Variants in RSBN1L observed in about 807,000 individuals in gnomAD.
RSBN1L encodes round spermatid basic protein 1 like.
RSBN1L carries 30 observed loss-of-function variants against 67.7 expected under a neutral mutation model. The observed-to-expected ratio is 0.44, with a 90% confidence interval of 0.33 to 0.60. The LOEUF (loss-of-function observed/expected upper bound fraction) is 0.60, where lower values mean the gene tolerates loss of function less well. Ranked by LOEUF, RSBN1L falls within the 20% of genes least tolerant of loss-of-function variation. The pLI, the probability that RSBN1L is intolerant of heterozygous loss-of-function variation, is 0.02. For synonymous variants in RSBN1L, 433 were observed against 387.0 expected, an observed-to-expected ratio of 1.12 and a Z score of -1.39; for missense variants, 992 against 1,031.7, an observed-to-expected ratio of 0.96 and a Z score of 0.53.
rs570281932 is a variant in RSBN1L, at chr7:77,733,896, G to A, written c.587-2514G>A. 3.3e-5 allele frequency among the ~76,000 whole-genome samples: 5 copies of A among 152,350 alleles called. No individual in the cohort carries two copies. In the East Asian group the frequency reaches 9.6e-4, roughly 29 times the overall value. ...AATCCCAGCACTTTGGGATGCCAAG[G>A]CGTGCAGATCACTTGAGGTTAGGAG... On this transcript the variant is annotated intron_variant, in intron 1 of 7. Coordinates refer to ENST00000334955, the MANE Select transcript of RSBN1L (RefSeq NM_198467.3).
At chr7:77,720,763 C>CTTTTTTTTTTTTTTTTTTTTTTT (rs34070122) in intron 1 of RSBN1L, among the ~76,000 whole-genome samples, 2 of 104,366 alleles carry the variant, frequency 1.9e-5, no homozygotes, top group African/African-American at 4.0e-5. Context: ...TTTTCTTTTT[C>CTTTTTTTTTTTTTTTTTTTTTTT]TTTTTTTTTT....
In RSBN1L at chr7:77,715,243, A is replaced by G. The variant is rs191288859; in HGVS notation, c.586+18188A>G. On this transcript the variant is annotated intron_variant, in intron 1 of 7. Transcript: ENST00000334955. ...GCTGAGATTGCACCACTGCAGTCCA[A>G]CCTGCAACAGAGTAAGACTCTGTCT... Among the ~76,000 whole-genome samples the G allele has an allele frequency of 2.3e-3, 344 of 152,268 alleles. 2 individuals are homozygous for G. Among genetic ancestry groups the G allele is most frequent in the African/African-American group, 7.8e-3 (324 of 41,576 alleles).
At chr7:77,725,243 A>ATTTTTTTTTTTTT (rs1554338354) in intron 1 of RSBN1L, among the ~76,000 whole-genome samples, 5 of 57,914 alleles carry the variant, frequency 8.6e-5, no homozygotes, top group African/African-American at 2.7e-4. Context: ...TAAGCCCCCC[A>ATTTTTTTTTTTTT]CTTTTTTTTT....
At chr7:77,735,853 C>T (rs986604207) in intron 1 of RSBN1L, among the ~76,000 whole-genome samples, 1 of 152,066 alleles carries the variant, frequency 6.6e-6, no homozygotes, top group South Asian at 2.1e-4. Context: ...ACAGTATCAC[C>T]AAGTAGTCAG....
intron 1 of RSBN1L, among the ~76,000 whole-genome samples, chr7:77,711,328 T>A (rs1446206659): frequency 6.6e-6 from 1 of 151,846 alleles, no homozygotes; most frequent in African/African-American, 2.4e-5. Context: ...ATTAATTTTT[T>A]TTTTTTTTTT....
intron 1 of RSBN1L, among the ~76,000 whole-genome samples, chr7:77,732,307 A>T (rs1280028906): frequency 3.3e-5 from 5 of 152,178 alleles, no homozygotes; most frequent in Admixed American, 2.6e-4. Context: ...TCACTTCTGT[A>T]TGTAAAGATC....
chr7:77,771,087 G>A (rs903485073), intron 5 of RSBN1L, among the ~76,000 whole-genome samples: 20 of 152,026 alleles, frequency 1.3e-4, no homozygotes, highest in Admixed American at 2.0e-4. Context: ...GACTACAGGC[G>A]CACGCCACCA....
chr7:77,748,060 A>G (rs1365932477), intron 2 of RSBN1L, among the ~76,000 whole-genome samples: 1 of 152,208 alleles, frequency 6.6e-6, no homozygotes, highest in Non-Finnish European at 1.5e-5. Context: ...TAAATAGTTC[A>G]GTTTGACCAG....
intron 3 of RSBN1L, among the ~76,000 whole-genome samples, chr7:77,753,980 G>A (rs146534102): frequency 6.6e-6 from 1 of 152,194 alleles, no homozygotes; most frequent in East Asian, 1.9e-4. Context: ...CTGTTTCTGG[G>A]CTCCCTTTGA....
intron 1 of RSBN1L, among the ~76,000 whole-genome samples, chr7:77,734,486 A>T (rs1791307409): frequency 6.6e-6 from 1 of 151,852 alleles, no homozygotes; most frequent in South Asian, 2.1e-4. Flanking sequence ...AGCTACTTGG[A>T]GTAACATTTT....
intron 1 of RSBN1L, among the ~76,000 whole-genome samples, chr7:77,718,510 C>G (rs889464247): frequency 6.6e-6 from 1 of 152,024 alleles, no homozygotes; most frequent in African/African-American, 2.4e-5. Flanking sequence ...AGGCTGGTCT[C>G]AAACTCCTGG....
At chr7:77,728,424 TTTATG>T (rs1306341097) in intron 1 of RSBN1L, among the ~76,000 whole-genome samples, 3 of 152,206 alleles carry the variant, frequency 2.0e-5, no homozygotes, top group Non-Finnish European at 1.5e-5. Flanking sequence ...TACCTGATCT[TTTATG>T]TAATCTGTTT....
intron 1 of RSBN1L, 22 bp downstream of exon 1, chr7:77,697,077 G>T: frequency 1.5e-6 from 2 of 1,378,724 alleles, no homozygotes; most frequent in Non-Finnish European, 1.9e-6. Flanking sequence ...GCGGGGAGGG[G>T]GAGGGGAGGG....
intron 1 of RSBN1L, among the ~76,000 whole-genome samples, chr7:77,709,839 A>G (rs931848258): frequency 1.3e-5 from 2 of 152,148 alleles, no homozygotes; most frequent in African/African-American, 4.8e-5. Flanking sequence ...TCCATTTTTA[A>G]ATCTATATAA....
chr7:77,747,099 C>A (rs1282477754), intron 2 of RSBN1L, among the ~76,000 whole-genome samples: 1 of 152,172 alleles, frequency 6.6e-6, no homozygotes, highest in Non-Finnish European at 1.5e-5. Context: ...TAGCCCCACT[C>A]TGCAGTACCC....
chr7:77,726,265 A>T (rs1183244730), intron 1 of RSBN1L, among the ~76,000 whole-genome samples: 1 of 152,298 alleles, frequency 6.6e-6, no homozygotes, highest in South Asian at 2.1e-4. Context: ...TTTGTCTTAT[A>T]TCCTTTTTCT....
At chr7:77,741,807 T>C (rs1318268974) in intron 2 of RSBN1L, among the ~76,000 whole-genome samples, 4 of 152,130 alleles carry the variant, frequency 2.6e-5, no homozygotes, top group Non-Finnish European at 5.9e-5. Flanking sequence ...ATTTTAAAAT[T>C]TTCTGCATAC....
chr7:77,740,155 G>A (rs1441141207), intron 2 of RSBN1L, among the ~76,000 whole-genome samples: 2 of 152,046 alleles, frequency 1.3e-5, no homozygotes, highest in East Asian at 3.9e-4. Flanking sequence ...TAAGAAAGTT[G>A]GATTATTTGC....
chr7:77,701,196 A>G (rs2150410882), intron 1 of RSBN1L, among the ~76,000 whole-genome samples: 1 of 151,032 alleles, frequency 6.6e-6, no homozygotes, highest in African/African-American at 2.4e-5. Flanking sequence ...CAACAAAAAA[A>G]AACGACATCC....
Sources: allele counts gnomAD v4.1 joint callset (sites outside exome capture counted in the v4.1 genomes callset), GRCh38; gene constraint gnomAD v4.1.1; transcripts MANE v1.5; gene names NCBI Gene and HGNC (gene_info 2026-07-23, HGNC 2026-07-21).